TCF4: variants seen among roughly 807,000 people sequenced by gnomAD.
TCF4 encodes the protein SL3-3 enhancer factor 2.
TCF4 carries 3 observed loss-of-function variants against 82.1 expected under a neutral mutation model. The observed-to-expected ratio is 0.04, with a 90% CI of 0.02 to 0.09. The LOEUF (loss-of-function observed/expected upper bound fraction) is 0.09. Ranked by LOEUF, TCF4 falls within the 10% of genes least tolerant of loss-of-function variation. The pLI is 1.00. For missense variants in TCF4, 518 were observed against 852.7 expected (o/e 0.61, Z 4.89); for synonymous variants, 276 against 309.6 (o/e 0.89, Z 1.14).
chr18:55,517,601 T>A (rs999166247), intron 3 of TCF4, among the ~76,000 whole-genome samples: 3 of 152,158 alleles, frequency 2.0e-5, no homozygotes, highest in African/African-American at 7.2e-5. Flanking sequence ...AGACTTTAAA[T>A]GTACAATATA....
intron 3 of TCF4, among the ~76,000 whole-genome samples, chr18:55,472,600 T>C (rs1426661545): frequency 2.0e-5 from 3 of 152,202 alleles, no homozygotes; most frequent in African/African-American, 7.2e-5. Flanking sequence ...GAACTATATA[T>C]ACCTTCTTTG....
At chr18:55,447,747 C>T (rs1388992194) in intron 5 of TCF4, among the ~76,000 whole-genome samples, 1 of 152,136 alleles carries the variant, frequency 6.6e-6, no homozygotes, top group Non-Finnish European at 1.5e-5. Flanking sequence ...GTCTGCTTTG[C>T]TTTCACAAAT....
upstream of TCF4, chr18:55,588,369 C>A: frequency 6.6e-7 from 1 of 1,526,498 alleles, no homozygotes; most frequent in Non-Finnish European, 8.8e-7. Flanking sequence ...GTCGGGCAGG[C>A]TAGGATGCAT....
intron 2 of TCF4, among the ~76,000 whole-genome samples, chr18:55,612,019 C>T (rs982891552): frequency 7.9e-5 from 12 of 152,198 alleles, no homozygotes; most frequent in Non-Finnish European, 1.6e-4. Context: ...AATCCACCCG[C>T]CTTGGCCTCC....
intron 3 of TCF4, among the ~76,000 whole-genome samples, chr18:55,524,885 A>C (rs1490751003): frequency 1.3e-5 from 2 of 152,184 alleles, no homozygotes; most frequent in Admixed American, 6.6e-5. Context: ...AGCATTTCAA[A>C]AGACAGTGAT....
At chr18:55,368,956 G>A (rs2088084085) in intron 6 of TCF4, among the ~76,000 whole-genome samples, 1 of 152,174 alleles carries the variant, frequency 6.6e-6, no homozygotes, top group Non-Finnish European at 1.5e-5. Flanking sequence ...TAAAACAAAG[G>A]AGGGGGCTTA....
chr18:55,380,986 T>G (rs900001207), intron 6 of TCF4, among the ~76,000 whole-genome samples: 8 of 152,284 alleles, frequency 5.3e-5, no homozygotes, highest in African/African-American at 1.9e-4. Flanking sequence ...TAAAATTAAG[T>G]TAGCATTATG....
At chr18:55,272,714 T>G (rs183057439) in intron 10 of TCF4, among the ~76,000 whole-genome samples, 189 of 152,088 alleles carry the variant, frequency 1.2e-3, no homozygotes, top group Admixed American at 3.6e-3. Context: ...CTGTGGAGGC[T>G]CTCCCATACA....
At chr18:55,525,572 C>G (rs138950288) in intron 3 of TCF4, among the ~76,000 whole-genome samples, 1 of 152,102 alleles carries the variant, frequency 6.6e-6, no homozygotes, top group African/African-American at 2.4e-5. Context: ...TTAAATAATT[C>G]ATTAAAAACT....
rs2272285 is a variant in TCF4 at position 55,232,803 on chromosome 18, A to G, written c.1487-132T>C. The G allele has an allele frequency of 1.6e-4, 190 of 1,212,614 alleles. No homozygotes were observed. The East Asian group carries it at 4.7e-3, about 30-fold the overall frequency. The allele number at this position is 1,212,614 out of a possible 1,614,324, so 75.1% of individuals were successfully genotyped here. Reference sequence around the variant, plus strand: ...TCTGTCACTTTTTTTTCCCCCTGCTATCTGTTGAAGTTTCAAAAAATGCAC... The same window carrying G: ...TCTGTCACTTTTTTTTCCCCCTGCTGTCTGTTGAAGTTTCAAAAAATGCAC... On this transcript the variant is annotated intron_variant, in intron 16 of 19. Transcript: ENST00000354452.
At chr18:55,330,149 G>C (rs941910255) in intron 8 of TCF4, among the ~76,000 whole-genome samples, 14 of 150,498 alleles carry the variant, frequency 9.3e-5, no homozygotes, top group African/African-American at 3.4e-4. Flanking sequence ...CATGGGCTGT[G>C]ACCTTCAAAC....
chr18:55,403,450 T>C lies in TCF4; in HGVS notation c.369+4A>G, dbSNP rs1221205980. On this transcript the variant is annotated splice_donor_region_variant and intron_variant, in intron 6 of 19. Coordinates refer to ENST00000354452, the MANE Select transcript of TCF4 (RefSeq NM_001083962.2). The stretch of plus-strand genomic sequence containing the variant: ...ACCCTTCCGCAACAGAGATTCTCAC[T>C]TACCTGGTGGCAACCCTGTAAGTTT... The C allele has an allele frequency of 6.2e-7, 1 of 1,613,706 alleles. No homozygotes were observed. The highest frequency in any genetic ancestry group is 1.3e-5 in the African/African-American group (1 of 74,890).
chr18:55,438,377 A>G (rs747434942), intron 5 of TCF4, among the ~76,000 whole-genome samples: 9 of 152,134 alleles, frequency 5.9e-5, no homozygotes, highest in Non-Finnish European at 1.2e-4. Context: ...ATAAGATGGC[A>G]AACTCACCCA....
chr18:55,327,774 A>G lies in TCF4; in HGVS notation c.549+22585T>C, dbSNP rs190986726. 4.3e-3 allele frequency among the ~76,000 whole-genome samples: 653 copies of G among 152,288 alleles called. 3 individuals carry two copies. The highest frequency in any genetic ancestry group is 0.015 in the African/African-American group (622 of 41,568). On this transcript the variant is annotated intron_variant, in intron 8 of 19. Coordinates refer to ENST00000354452, the MANE Select transcript of TCF4 (RefSeq NM_001083962.2). ...TATTTCCCTTTAGAAGAAAGAAGAG[A>G]CTTCTCATTTTGCTTTATGTGGCAT... is the stretch of plus-strand genomic sequence containing the variant.
intron 3 of TCF4, among the ~76,000 whole-genome samples, chr18:55,568,170 A>AC (rs1603623624): frequency 6.6e-6 from 1 of 151,644 alleles, no homozygotes; most frequent in African/African-American, 2.4e-5. Flanking sequence ...TATTTAGAAA[A>AC]AAAAAAAAAC....
At chr18:55,244,159 G>T (rs1312250417) in intron 15 of TCF4, among the ~76,000 whole-genome samples, 1 of 152,142 alleles carries the variant, frequency 6.6e-6, no homozygotes, top group Non-Finnish European at 1.5e-5. Flanking sequence ...CAGACTGGTG[G>T]ATACCTGACG....
intron 6 of TCF4, among the ~76,000 whole-genome samples, chr18:55,380,808 T>C (rs1603426344): frequency 6.6e-6 from 1 of 152,312 alleles, no homozygotes; most frequent in East Asian, 1.9e-4. Flanking sequence ...ACTATTAACA[T>C]CTATCCTTCA....
intron 6 of TCF4, among the ~76,000 whole-genome samples, chr18:55,351,552 A>G (rs1387052855): frequency 1.3e-5 from 2 of 152,100 alleles, no homozygotes; most frequent in East Asian, 1.9e-4. Context: ...TCAAATCCTC[A>G]CACTAACTCT....
In TCF4 at chr18:55,232,790, T is replaced by G. The variant is rs530102439; in HGVS notation, c.1487-119A>C. On this transcript the variant is annotated intron_variant, in intron 16 of 19. Coordinates refer to ENST00000354452, the MANE Select transcript of TCF4 (RefSeq NM_001083962.2). The stretch of plus-strand genomic sequence containing the variant: ...GAACTGTGATCCTTCTGTCACTTTT[T>G]TTTCCCCCTGCTATCTGTTGAAGTT... 1.9e-5 allele frequency: 25 copies of G among 1,318,774 alleles called. No individual in the cohort carries two copies. The East Asian group carries it at 5.6e-4, about 30-fold the overall frequency. 81.7% of individuals were successfully genotyped at this position (1,318,774 alleles called of 1,614,324 possible).
Sources: allele counts gnomAD v4.1 joint callset (sites outside exome capture counted in the v4.1 genomes callset), GRCh38; gene constraint gnomAD v4.1.1; transcripts MANE v1.5; gene names NCBI Gene and HGNC (gene_info 2026-07-23, HGNC 2026-07-21).